NBAS: variants seen among roughly 807,000 people sequenced by gnomAD.
The protein encoded by NBAS is NAG/BC035112 fusion.
A neutral mutation model predicts 302.5 loss-of-function variants in NBAS; 219 were observed. The ratio of observed to expected loss-of-function variants is 0.72; its 90% CI spans 0.65 to 0.81. The LOEUF (loss-of-function observed/expected upper bound fraction) is 0.81. Among genes scored for constraint, NBAS ranks in the 30% least tolerant of loss-of-function variants. The pLI is 0.00. For missense variants in NBAS, 2,932 were observed against 2,841.6 expected (o/e 1.03, Z -0.72); for synonymous variants, 1,118 against 1,021.6 (o/e 1.09, Z -1.80).
intron 17 of NBAS, 149 bp from the exon 18 acceptor site, chr2:15,467,953 G>A: frequency 2.8e-6 from 2 of 715,910 alleles, no homozygotes; most frequent in Non-Finnish European, 4.6e-6. Context: ...TGTAAACAAA[G>A]TGATCATTCA....
the NBAS span, among the ~76,000 whole-genome samples, chr2:14,856,682 C>A: frequency 6.6e-6 from 1 of 151,396 alleles, no homozygotes; most frequent in African/African-American, 2.4e-5. Context: ...CATAAGAGTT[C>A]TTTACTAACA....
chr2:15,117,541 G>C, the NBAS span, among the ~76,000 whole-genome samples: 1 of 152,312 alleles, frequency 6.6e-6, no homozygotes, highest in East Asian at 1.9e-4. Flanking sequence ...GAAAAAAGTA[G>C]GGCCTCTCCT....
the NBAS span, among the ~76,000 whole-genome samples, chr2:14,994,927 C>T: frequency 6.6e-6 from 1 of 152,180 alleles, no homozygotes; most frequent in Non-Finnish European, 1.5e-5. Flanking sequence ...GCCCAAAACC[C>T]CATCCTTGAA....
the NBAS span, among the ~76,000 whole-genome samples, chr2:15,010,012 T>C: frequency 6.6e-6 from 1 of 152,180 alleles, no homozygotes; most frequent in East Asian, 1.9e-4. Flanking sequence ...GGGAAATTCT[T>C]CAATCTGATA....
At chr2:14,816,865 A>G in the NBAS span, among the ~76,000 whole-genome samples, 1 of 152,204 alleles carries the variant, frequency 6.6e-6, no homozygotes, top group South Asian at 2.1e-4. Context: ...CACACTGCAG[A>G]TGTGGAGCGA....
At chr2:14,811,996 A>G in the NBAS span, among the ~76,000 whole-genome samples, 1 of 152,204 alleles carries the variant, frequency 6.6e-6, no homozygotes, top group South Asian at 2.1e-4. Flanking sequence ...AAATGAGATC[A>G]ATGTATTATT....
At chr2:15,406,788 A>G (rs1170876467) in intron 25 of NBAS, among the ~76,000 whole-genome samples, 1 of 152,224 alleles carries the variant, frequency 6.6e-6, no homozygotes, top group Non-Finnish European at 1.5e-5. Context: ...ACATATCGGA[A>G]AATGTTAAAA....
chr2:15,031,343 A>G, the NBAS span, among the ~76,000 whole-genome samples: 1 of 152,338 alleles, frequency 6.6e-6, no homozygotes, highest in Admixed American at 6.5e-5. Context: ...CTTAAGAACC[A>G]TAATCTCAAC....
chr2:14,900,168 C>G, the NBAS span, among the ~76,000 whole-genome samples: 1 of 150,742 alleles, frequency 6.6e-6, no homozygotes, highest in African/African-American at 2.4e-5. Context: ...AAAGACCTAC[C>G]CATTTGCTCA....
the NBAS span, among the ~76,000 whole-genome samples, chr2:15,080,730 G>A: frequency 6.6e-6 from 1 of 152,190 alleles, no homozygotes; most frequent in Non-Finnish European, 1.5e-5. Flanking sequence ...CTGGAAGCTT[G>A]GGCTCAGCTG....
intron 35 of NBAS, among the ~76,000 whole-genome samples, chr2:15,340,147 T>C (rs1471404573): frequency 6.6e-6 from 1 of 152,204 alleles, no homozygotes; most frequent in African/African-American, 2.4e-5. Flanking sequence ...AAAGAATCAC[T>C]CTGGCTATAT....
the NBAS span, among the ~76,000 whole-genome samples, chr2:15,060,839 A>C: frequency 6.6e-6 from 1 of 152,320 alleles, no homozygotes; most frequent in Admixed American, 6.5e-5. Flanking sequence ...CCTTAATCAC[A>C]AGAGAAATAA....
chr2:15,002,726 T>G, the NBAS span, among the ~76,000 whole-genome samples: 1 of 152,304 alleles, frequency 6.6e-6, no homozygotes, highest in African/African-American at 2.4e-5. Context: ...ACAGTGCCAG[T>G]GGGCTGGCAC....
At chr2:14,926,104 T>G in the NBAS span, among the ~76,000 whole-genome samples, 1 of 152,240 alleles carries the variant, frequency 6.6e-6, no homozygotes, top group South Asian at 2.1e-4. Context: ...TCCTCCAGGA[T>G]TGTTAAATTC....
chr2:15,000,420 T>C, the NBAS span, among the ~76,000 whole-genome samples: 4 of 152,190 alleles, frequency 2.6e-5, no homozygotes, highest in Non-Finnish European at 4.4e-5. Context: ...TTAGAGAAGA[T>C]GGGAGCCTGA....
At chr2:15,231,174 G>A (rs1302747726) in intron 47 of NBAS, among the ~76,000 whole-genome samples, 1 of 152,194 alleles carries the variant, frequency 6.6e-6, no homozygotes, top group African/African-American at 2.4e-5. Flanking sequence ...TAAACCCCAT[G>A]AATCATTAAT....
the NBAS span, among the ~76,000 whole-genome samples, chr2:15,079,761 C>T: frequency 6.6e-6 from 1 of 152,180 alleles, no homozygotes. Context: ...TGCCACTCAC[C>T]ATCCTGTGTT....
the NBAS span, among the ~76,000 whole-genome samples, chr2:14,888,376 C>G: frequency 3.8e-4 from 58 of 152,202 alleles, no homozygotes; most frequent in Non-Finnish European, 6.8e-4. Flanking sequence ...AGTGATCCAC[C>G]TGCTTTGGCC....
intron 3 of NBAS, among the ~76,000 whole-genome samples, chr2:15,555,546 A>G (rs997574811): frequency 6.6e-6 from 1 of 152,114 alleles, no homozygotes; most frequent in African/African-American, 2.4e-5. Flanking sequence ...AATTAAAAGA[A>G]CTTTTTTAAA....
Sources: gnomAD v4.1 joint callset for allele counts (sites outside exome capture counted in the v4.1 genomes callset) on GRCh38, gnomAD v4.1.1 for gene constraint, MANE v1.5 for transcripts, NCBI Gene and HGNC (gene_info 2026-07-23, HGNC 2026-07-21) for gene names.